The following ATP8A1 variants were observed in gnomAD, a reference collection of about 807,000 sequenced individuals.
ATP8A1 encodes the protein ATPase phospholipid transporting 8A1.
In ATP8A1, 90 loss-of-function variants were observed where a neutral mutation model predicts 177.7. The observed-to-expected ratio is 0.51, with a 90% CI of 0.43 to 0.60. The LOEUF is 0.60. Ranked by LOEUF, ATP8A1 falls within the 20% of genes least tolerant of loss-of-function variation. The pLI, the probability that ATP8A1 is intolerant of heterozygous loss-of-function variation, is 0.00. For missense variants in ATP8A1, 1,072 were observed against 1,392.8 expected (o/e 0.77, Z 3.67); for synonymous variants, 493 against 485.9 (o/e 1.01, Z -0.19).
chr4:42,448,561 C>A (rs1028329010), intron 30 of ATP8A1, among the ~76,000 whole-genome samples: 1 of 151,468 alleles, frequency 6.6e-6, no homozygotes, highest in African/African-American at 2.4e-5. Flanking sequence ...CCATGCCCAG[C>A]TAATTTTTGT....
At chr4:42,423,906 A>T in intron 33 of ATP8A1, among the ~76,000 whole-genome samples, 1 of 152,238 alleles carries the variant, frequency 6.6e-6, no homozygotes, top group East Asian at 1.9e-4. Context: ...TCTGGATTAA[A>T]TTCTCTTATA....
chr4:42,548,931 C>A, intron 19 of ATP8A1, 82 bp downstream of exon 19: 1 of 1,108,602 alleles, frequency 9.0e-7, no homozygotes, highest in South Asian at 1.5e-5. Flanking sequence ...ACAAAACATA[C>A]TTTCTAGTTA....
chr4:42,539,988 T>C (rs1395683029), intron 20 of ATP8A1, among the ~76,000 whole-genome samples: 1 of 151,788 alleles, frequency 6.6e-6, no homozygotes, highest in African/African-American at 2.4e-5. Context: ...AAAGAAACAA[T>C]CAACAGAGTG....
At chr4:42,605,046 T>C (rs1735656848) in intron 5 of ATP8A1, among the ~76,000 whole-genome samples, 1 of 152,208 alleles carries the variant, frequency 6.6e-6, no homozygotes, top group African/African-American at 2.4e-5. Flanking sequence ...TTTACATGTA[T>C]AGGGTTTCTT....
intron 15 of ATP8A1, among the ~76,000 whole-genome samples, chr4:42,558,688 A>G (rs1730504236): frequency 6.6e-6 from 1 of 152,234 alleles, no homozygotes; most frequent in Admixed American, 6.5e-5. Flanking sequence ...AAAAGAGCTG[A>G]ATCCATACTT....
chr4:42,634,761 T>C (rs1739102939), intron 1 of ATP8A1, among the ~76,000 whole-genome samples: 1 of 152,212 alleles, frequency 6.6e-6, no homozygotes, highest in Non-Finnish European at 1.5e-5. Context: ...ATTATTTTTA[T>C]TATGAAATCA....
chr4:42,620,343 T>G (rs1444825558), intron 4 of ATP8A1, among the ~76,000 whole-genome samples: 1 of 152,240 alleles, frequency 6.6e-6, no homozygotes, highest in Non-Finnish European at 1.5e-5. Flanking sequence ...CTACTTCATA[T>G]GATACTATTA....
chr4:42,410,036 G>A lies in ATP8A1; in HGVS notation c.*2880C>T, dbSNP rs1162420037. The A allele has an allele frequency of 6.6e-6, 1 of 152,158 alleles. No homozygotes were observed. Among genetic ancestry groups the A allele is most frequent in the Non-Finnish European group, 1.5e-5 (1 of 68,006 alleles). The allele number at this position is 152,158 out of a possible 1,614,324, so 9.4% of individuals were successfully genotyped here. A position where few individuals can be genotyped will look rare whatever the true frequency, so the allele number is the denominator to read the frequency against. The stretch of plus-strand genomic sequence containing the variant: ...CCATTAACTTAGCAACACTGCTGAA[G>A]CAGTCTCACATTAGAGCACAGAGTG... On this transcript the variant is annotated 3_prime_UTR_variant, in exon 37 of 37. Coordinates refer to ENST00000381668, the MANE Select transcript of ATP8A1 (RefSeq NM_006095.2).
chr4:42,546,888 G>A (rs1439770249), intron 19 of ATP8A1, among the ~76,000 whole-genome samples: 1 of 152,106 alleles, frequency 6.6e-6, no homozygotes, highest in Non-Finnish European at 1.5e-5. Flanking sequence ...TAACAACAAG[G>A]TTGTCTCTTT....
chr4:42,629,140 G>C (rs892290624), intron 1 of ATP8A1, among the ~76,000 whole-genome samples: 3 of 152,156 alleles, frequency 2.0e-5, no homozygotes, highest in Admixed American at 6.5e-5. Flanking sequence ...TTGAACTAAA[G>C]GGACTGGAAT....
chr4:42,636,160 A>ACG (rs150760623), intron 1 of ATP8A1, among the ~76,000 whole-genome samples: 4 of 132,950 alleles, frequency 3.0e-5, no homozygotes, highest in East Asian at 2.1e-4. Flanking sequence ...ACACACACGC[A>ACG]CACACACACA....
rs1405267703 is a variant in ATP8A1, at chr4:42,552,577, T to C, written c.1447A>G (p.Met483Val). The change falls in exon 17 of 37, where the codon ATG (methionine) becomes GTG (valine). Residue 483 changes from methionine to valine, a missense_variant. By Grantham distance (21) the Met-to-Val change is conservative. Around this residue, in one of 5 missense-constraint regions of ATP8A1, gnomAD observed 388 missense variants for 471.7 expected, o/e 0.82. Coordinates refer to ENST00000381668, the MANE Select transcript of ATP8A1 (RefSeq NM_006095.2). The stretch of plus-strand genomic sequence containing the variant: ...ACTGCTGTGTGACAGACTGCCATCA[T>C]TGTAAGAAATTCACATATTATAGGT... Reference protein sequence around the residue: ...TAPIICEFLTMMAVCHTAVPE... With the variant: ...TAPIICEFLTVMAVCHTAVPE... The C allele has an allele frequency of 6.2e-6, 10 of 1,613,684 alleles. No individual in the cohort carries two copies. Among genetic ancestry groups the C allele is most frequent in the African/African-American group, 4.0e-5 (3 of 74,934 alleles).
chr4:42,536,893 G>A (rs1038216939), intron 20 of ATP8A1, among the ~76,000 whole-genome samples: 1 of 152,142 alleles, frequency 6.6e-6, no homozygotes, highest in Non-Finnish European at 1.5e-5. Context: ...CACTTTGGGA[G>A]GCCAAGGCGG....
At chr4:42,627,238 A>C (rs1238226363) in intron 1 of ATP8A1, 129 bp from the exon 2 acceptor site, 1 of 639,118 alleles carries the variant, frequency 1.6e-6, no homozygotes, top group Non-Finnish European at 2.7e-6. Context: ...TGTTTCTTTT[A>C]TAATAAAAAG....
chr4:42,607,028 T>C (rs1486528628), intron 5 of ATP8A1, among the ~76,000 whole-genome samples: 1 of 152,180 alleles, frequency 6.6e-6, no homozygotes, highest in Non-Finnish European at 1.5e-5. Context: ...AATGAAAGTA[T>C]AAATTACCTT....
At chr4:42,626,258 C>T (rs1738064597) in intron 2 of ATP8A1, 1 of 152,258 alleles carries the variant, frequency 6.6e-6, no homozygotes, top group Non-Finnish European at 1.5e-5. Context: ...GATATCACTA[C>T]TTAGGTCTTA....
At chr4:42,555,845 A>ACT (rs1730175949) in intron 16 of ATP8A1, 123 bp downstream of exon 16, 26 of 686,434 alleles carry the variant, frequency 3.8e-5, no homozygotes, top group East Asian at 1.5e-4. Context: ...TAACTAACTA[A>ACT]ATAAATAAAT....
rs879918784 is a variant in ATP8A1, at chr4:42,459,884, C to T, written c.2620-4285G>A. 2.6e-4 allele frequency among the ~76,000 whole-genome samples: 39 copies of T among 152,034 alleles called. 1 individual carries two copies. The highest frequency in any genetic ancestry group is 4.2e-4 in the South Asian group (2 of 4,816). ...TCTGCTCACTGCAAGCTCCACCTCC[C>T]GGGTTCACGCCATTCTCCTGCCTCA... On this transcript the variant is annotated intron_variant, in intron 27 of 36. Coordinates refer to ENST00000381668, the MANE Select transcript of ATP8A1 (RefSeq NM_006095.2).
chr4:42,641,502 C>T (rs1049546556), intron 1 of ATP8A1, among the ~76,000 whole-genome samples: 1 of 147,488 alleles, frequency 6.8e-6, no homozygotes, highest in Non-Finnish European at 1.5e-5. Context: ...TTTTAAATTT[C>T]TTTTTTTTTT....
Sources: allele counts gnomAD v4.1 joint callset (sites outside exome capture counted in the v4.1 genomes callset), GRCh38; gene constraint gnomAD v4.1.1; regional missense constraint gnomAD v4.1.1; transcripts MANE v1.5; gene names NCBI Gene and HGNC (gene_info 2026-07-23, HGNC 2026-07-21).